The following ADAMTSL1 variants were observed in gnomAD, a reference collection of about 807,000 sequenced individuals.
ADAMTSL1 encodes ADAMTS like 1.
Under a neutral mutation model 201.8 loss-of-function variants are expected in ADAMTSL1, and 126 were observed. That is an observed-to-expected ratio of 0.62 (90% CI 0.54 to 0.72). The LOEUF is 0.72. ADAMTSL1 is among the 30% of genes least tolerant of loss of function. The pLI is 0.00. For missense variants in ADAMTSL1, 2,679 were observed against 2,277.8 expected (o/e 1.18, Z -3.59); for synonymous variants, 1,121 against 903.4 (o/e 1.24, Z -4.32).
At position 18,328,654 on chromosome 9, in the gene ADAMTSL1, G is replaced by A. The variant is rs78056713; in HGVS notation, c.207+164673G>A. On this transcript the variant is annotated intron_variant, in intron 2 of 29. Coordinates refer to the ADAMTSL1 transcript ENST00000680146. ...CATGCCTTAATCCATACACTGTGCC[G>A]CATCTCATCTTAGTGTCATTTGTGC... 4.2e-3 allele frequency among the ~76,000 whole-genome samples: 639 copies of A among 152,266 alleles called. 1 individual carries two copies. Among genetic ancestry groups the A allele is most frequent in the Non-Finnish European group, 5.6e-3 (383 of 68,018 alleles).
At chr9:18,802,202 G>A (rs1222845978) in intron 20 of ADAMTSL1, among the ~76,000 whole-genome samples, 4 of 152,106 alleles carry the variant, frequency 2.6e-5, no homozygotes, top group African/African-American at 9.7e-5. Flanking sequence ...CTTGAGCCTA[G>A]GAGGTTGAGG....
chr9:18,395,116 C>T (rs1817700215), intron 2 of ADAMTSL1, among the ~76,000 whole-genome samples: 1 of 152,208 alleles, frequency 6.6e-6, no homozygotes, highest in South Asian at 2.1e-4. Flanking sequence ...CCCTTCACTC[C>T]TGCTCCCCCT....
At chr9:18,107,391 A>G (rs557286528) in intron 1 of ADAMTSL1, among the ~76,000 whole-genome samples, 57 of 152,200 alleles carry the variant, frequency 3.7e-4, no homozygotes, top group Non-Finnish European at 6.3e-4. Context: ...CCTGCAGCAG[A>G]AGCATTTCCT....
chr9:17,980,471 C>A (rs1818642511), intron 1 of ADAMTSL1, among the ~76,000 whole-genome samples: 1 of 151,948 alleles, frequency 6.6e-6, no homozygotes, highest in Admixed American at 6.6e-5. Context: ...TGATTACTAG[C>A]TATACTTTTT....
intron 1 of ADAMTSL1, among the ~76,000 whole-genome samples, chr9:17,925,986 G>C (rs934702684): frequency 3.3e-5 from 5 of 152,104 alleles, no homozygotes. Flanking sequence ...TGGAGGAAAG[G>C]AAGGAAATGT....
At chr9:18,234,933 A>G (rs954046026) in intron 2 of ADAMTSL1, among the ~76,000 whole-genome samples, 2 of 152,204 alleles carry the variant, frequency 1.3e-5, no homozygotes, top group African/African-American at 4.8e-5. Context: ...GAAATGTTGC[A>G]CAGTTATTAT....
At chr9:18,740,453 C>CCTTCTTTTTTTTTTTTCTTT in intron 15 of ADAMTSL1, among the ~76,000 whole-genome samples, 1 of 98,160 alleles carries the variant, frequency 1.0e-5, no homozygotes, top group Non-Finnish European at 2.3e-5. Flanking sequence ...CTCAATGTTC[C>CCTTCTTTTTTTTTTTTCTTT]TTTCTTTTTT....
intron 2 of ADAMTSL1, among the ~76,000 whole-genome samples, chr9:18,433,777 A>G (rs1819600764): frequency 6.6e-6 from 1 of 152,232 alleles, no homozygotes; most frequent in African/African-American, 2.4e-5. Context: ...AAGTTTTCAA[A>G]TAGTTCCACA....
intron 15 of ADAMTSL1, chr9:18,723,996 T>C (rs1817712662): frequency 6.6e-6 from 1 of 152,192 alleles, no homozygotes; most frequent in African/African-American, 2.4e-5. Context: ...AATTCACAAT[T>C]CTTACTCCAC....
intron 2 of ADAMTSL1, among the ~76,000 whole-genome samples, chr9:18,299,898 T>G (rs186651877): frequency 1.6e-4 from 24 of 152,334 alleles, no homozygotes; most frequent in African/African-American, 5.5e-4. Context: ...TTCAAAGAAC[T>G]GGGGATTAGA....
At chr9:18,661,254 G>A (rs1428475631) in intron 8 of ADAMTSL1, among the ~76,000 whole-genome samples, 2 of 152,130 alleles carry the variant, frequency 1.3e-5, no homozygotes, top group African/African-American at 2.4e-5. Context: ...AGAAATATTC[G>A]CTAGAGACTT....
At chr9:18,260,439 G>A (rs1023122079) in intron 2 of ADAMTSL1, among the ~76,000 whole-genome samples, 1 of 152,198 alleles carries the variant, frequency 6.6e-6, no homozygotes, top group African/African-American at 2.4e-5. Context: ...TCAGCAATAT[G>A]GCACCCAGCA....
intron 4 of ADAMTSL1, among the ~76,000 whole-genome samples, chr9:18,604,158 C>T (rs1824855728): frequency 6.6e-6 from 1 of 152,096 alleles, no homozygotes; most frequent in African/African-American, 2.4e-5. Flanking sequence ...CAAGGAAGAA[C>T]AAAGAATTTG....
chr9:18,000,784 C>G (rs1222855819), intron 1 of ADAMTSL1, among the ~76,000 whole-genome samples: 2 of 152,100 alleles, frequency 1.3e-5, no homozygotes, highest in East Asian at 1.9e-4. Context: ...GGATCTGGCT[C>G]TGCAGATGTC....
chr9:18,820,610 A>G (rs1824151334), intron 21 of ADAMTSL1, among the ~76,000 whole-genome samples: 1 of 152,234 alleles, frequency 6.6e-6, no homozygotes, highest in Non-Finnish European at 1.5e-5. Context: ...TAAGAATATT[A>G]TGTAATTTAC....
At chr9:18,217,654 CTCTTGCCT>C (rs1192339363) in intron 2 of ADAMTSL1, among the ~76,000 whole-genome samples, 9 of 152,166 alleles carry the variant, frequency 5.9e-5, no homozygotes, top group Non-Finnish European at 1.3e-4. Context: ...TTGCATTCAA[CTCTTGCCT>C]TCTTGCCTAA....
intron 19 of ADAMTSL1, among the ~76,000 whole-genome samples, chr9:18,794,140 C>G (rs1215543326): frequency 6.6e-6 from 1 of 152,042 alleles, no homozygotes; most frequent in Non-Finnish European, 1.5e-5. Context: ...AGAGAGTCCC[C>G]TGTAGTAGTG....
chr9:18,771,221 C>T (rs373105969), intron 17 of ADAMTSL1, among the ~76,000 whole-genome samples: 15 of 152,192 alleles, frequency 9.9e-5, no homozygotes, highest in African/African-American at 3.4e-4. Flanking sequence ...CAATAAAGGA[C>T]ATGATTTATT....
intron 1 of ADAMTSL1, among the ~76,000 whole-genome samples, chr9:17,949,244 G>A (rs1169411433): frequency 6.6e-6 from 1 of 152,184 alleles, no homozygotes; most frequent in Non-Finnish European, 1.5e-5. Context: ...GGAGCCCAGA[G>A]GCTCAGTGGT....
Sources: allele counts gnomAD v4.1 joint callset (sites outside exome capture counted in the v4.1 genomes callset), GRCh38; gene constraint gnomAD v4.1.1; transcripts MANE v1.5; gene names NCBI Gene and HGNC (gene_info 2026-07-23, HGNC 2026-07-21).